KCNQ3: variants seen among roughly 807,000 people sequenced by gnomAD.
KCNQ3 encodes the protein potassium voltage-gated channel subfamily KQT member 3.
Under a neutral mutation model 92.5 loss-of-function variants are expected in KCNQ3, and 30 were observed. The observed-to-expected ratio is 0.32, with a 90% CI of 0.24 to 0.44. The LOEUF (loss-of-function observed/expected upper bound fraction) is 0.44. Among genes scored for constraint, KCNQ3 ranks in the 20% least tolerant of loss-of-function variants. KCNQ3 has a pLI of 1.00. For missense variants in KCNQ3, 913 were observed against 1,140.3 expected, an observed-to-expected ratio of 0.80 and a Z score of 2.87; for synonymous variants, 450 against 468.8, an observed-to-expected ratio of 0.96 and a Z score of 0.52.
intron 1 of KCNQ3, among the ~76,000 whole-genome samples, chr8:132,278,547 G>A (rs1428526528): frequency 1.3e-5 from 2 of 152,278 alleles, no homozygotes; most frequent in East Asian, 1.9e-4. Flanking sequence ...AACACAGTTC[G>A]ATGGGACTGA....
At chr8:132,471,159 C>T (rs1339483377) in intron 1 of KCNQ3, among the ~76,000 whole-genome samples, 1 of 152,186 alleles carries the variant, frequency 6.6e-6, no homozygotes, top group Non-Finnish European at 1.5e-5. Flanking sequence ...CCCTGGGAAT[C>T]TGTCAGAAAT....
At chr8:132,445,945 A>G (rs978596728) in intron 1 of KCNQ3, among the ~76,000 whole-genome samples, 3 of 152,156 alleles carry the variant, frequency 2.0e-5, no homozygotes, top group Non-Finnish European at 4.4e-5. Context: ...ATAATTTTCC[A>G]AGCAAGAAGT....
intron 1 of KCNQ3, among the ~76,000 whole-genome samples, chr8:132,230,449 C>G (rs373827514): frequency 1.4e-4 from 20 of 142,456 alleles, no homozygotes; most frequent in African/African-American, 4.9e-4. Context: ...GAGAGAGAGA[C>G]AGAGAGAGAG....
intron 1 of KCNQ3, among the ~76,000 whole-genome samples, chr8:132,471,066 T>C (rs1822288969): frequency 6.6e-6 from 1 of 152,200 alleles, no homozygotes; most frequent in Admixed American, 6.5e-5. Flanking sequence ...GGTACCTTTT[T>C]GTTTGGGTGA....
At chr8:132,338,256 G>C (rs1353086289) in intron 1 of KCNQ3, among the ~76,000 whole-genome samples, 1 of 152,190 alleles carries the variant, frequency 6.6e-6, no homozygotes. Context: ...ACACATTAGT[G>C]TGTAAAGGCA....
At chr8:132,415,711 T>C (rs1428890682) in intron 1 of KCNQ3, among the ~76,000 whole-genome samples, 1 of 151,986 alleles carries the variant, frequency 6.6e-6, no homozygotes, top group Non-Finnish European at 1.5e-5. Flanking sequence ...TAAATCATCG[T>C]AACTGTGCAT....
chr8:132,322,835 G>C (rs1000419560), intron 1 of KCNQ3, among the ~76,000 whole-genome samples: 11 of 152,134 alleles, frequency 7.2e-5, no homozygotes, highest in African/African-American at 2.4e-4. Context: ...AGTCATGAAG[G>C]CCTTTGAACA....
intron 1 of KCNQ3, among the ~76,000 whole-genome samples, chr8:132,442,749 C>T (rs1821570595): frequency 6.6e-6 from 1 of 152,180 alleles, no homozygotes; most frequent in African/African-American, 2.4e-5. Context: ...GCAGAAAAAC[C>T]ACTCCCACAG....
intron 1 of KCNQ3, among the ~76,000 whole-genome samples, chr8:132,211,271 T>C (rs1375505886): frequency 3.3e-5 from 5 of 152,218 alleles, no homozygotes; most frequent in African/African-American, 9.6e-5. Context: ...TGTGCTTCAG[T>C]AGAAAACTGG....
chr8:132,477,246 A>C (rs903904083), intron 1 of KCNQ3, among the ~76,000 whole-genome samples: 4 of 152,158 alleles, frequency 2.6e-5, no homozygotes, highest in African/African-American at 9.7e-5. Flanking sequence ...CATTTGAGGC[A>C]AAAGAAACAA....
intron 1 of KCNQ3, among the ~76,000 whole-genome samples, chr8:132,466,572 C>T (rs1207844194): frequency 1.3e-5 from 2 of 152,112 alleles, no homozygotes; most frequent in Non-Finnish European, 2.9e-5. Flanking sequence ...CCTCAGTTGC[C>T]CTCATGGTAA....
chr8:132,246,529 A>G (rs972051403), intron 1 of KCNQ3, among the ~76,000 whole-genome samples: 1 of 152,172 alleles, frequency 6.6e-6, no homozygotes, highest in Non-Finnish European at 1.5e-5. Flanking sequence ...GGAGCAATTT[A>G]TTTGCTTAGA....
At chr8:132,431,957 G>C (rs1325093363) in intron 1 of KCNQ3, among the ~76,000 whole-genome samples, 1 of 152,176 alleles carries the variant, frequency 6.6e-6, no homozygotes, top group Admixed American at 6.5e-5. Flanking sequence ...CCTTGTGCAA[G>C]TGTCCTCACA....
chr8:132,203,319 C>T (rs962726963), intron 1 of KCNQ3, among the ~76,000 whole-genome samples: 3 of 152,134 alleles, frequency 2.0e-5, no homozygotes, highest in Admixed American at 2.0e-4. Flanking sequence ...TTGAGGCAAA[C>T]TTCCCTATGA....
intron 1 of KCNQ3, among the ~76,000 whole-genome samples, chr8:132,434,005 G>A (rs932120291): frequency 6.6e-5 from 10 of 152,136 alleles, no homozygotes; most frequent in Admixed American, 3.9e-4. Flanking sequence ...TCAGGAGATC[G>A]AGACCATCCC....
Position 132,473,624 on chromosome 8 carries a change from A to G in KCNQ3, c.386+6523T>C, listed in dbSNP as rs138806288. 3.2e-3 allele frequency among the ~76,000 whole-genome samples: 489 copies of G among 152,318 alleles called. 4 individuals carry two copies. Among genetic ancestry groups the G allele is most frequent in the African/African-American group, 0.011 (478 of 41,576 alleles). On this transcript the variant is annotated intron_variant, in intron 1 of 14. Coordinates refer to ENST00000388996, the MANE Select transcript of KCNQ3 (RefSeq NM_004519.4). The stretch of plus-strand genomic sequence containing the variant: ...CTAACACTGAATGCTTCTTCCATGT[A>G]AAGTGCTCTTAGTTTCACAAGAGCC...
At chr8:132,457,239 T>C (rs1368645136) in intron 1 of KCNQ3, among the ~76,000 whole-genome samples, 1 of 152,238 alleles carries the variant, frequency 6.6e-6, no homozygotes, top group African/African-American at 2.4e-5. Flanking sequence ...GTGACGTTCC[T>C]GCCCCATGAG....
chr8:132,244,413 A>G (rs994664134), intron 1 of KCNQ3, among the ~76,000 whole-genome samples: 2 of 152,040 alleles, frequency 1.3e-5, no homozygotes, highest in African/African-American at 2.4e-5. Flanking sequence ...GGAAAGAGAA[A>G]AGAAGGAAGG....
intron 1 of KCNQ3, among the ~76,000 whole-genome samples, chr8:132,363,255 G>A (rs564685201): frequency 1.3e-5 from 2 of 152,300 alleles, no homozygotes; most frequent in South Asian, 4.1e-4. Context: ...CACAAAAGGC[G>A]TCATTTGGAA....
Sources: allele counts gnomAD v4.1 joint callset (sites outside exome capture counted in the v4.1 genomes callset), GRCh38; gene constraint gnomAD v4.1.1; transcripts MANE v1.5; gene names NCBI Gene and HGNC (gene_info 2026-07-23, HGNC 2026-07-21).